Variants in TRIP12 observed in about 807,000 individuals in gnomAD.
TRIP12 encodes the protein thyroid hormone receptor interactor 12, also known as E3 ubiquitin-protein ligase TRIP12.
Under a neutral mutation model 244.2 loss-of-function variants are expected in TRIP12, and 25 were observed. That is an observed-to-expected ratio of 0.10 (90% CI 0.07 to 0.14). TRIP12 has a LOEUF of 0.14. Among genes scored for constraint, TRIP12 ranks in the 10% least tolerant of loss-of-function variants. TRIP12 has a pLI of 1.00. For missense variants in TRIP12, 1,677 were observed against 2,486.4 expected (o/e 0.67, Z 6.92); for synonymous variants, 905 against 873.1 (o/e 1.04, Z -0.64).
At chr2:229,851,473 C>T (rs2058687416) in intron 4 of TRIP12, among the ~76,000 whole-genome samples, 1 of 152,128 alleles carries the variant, frequency 6.6e-6, no homozygotes, top group Non-Finnish European at 1.5e-5. Context: ...CTCGGCTCTA[C>T]CAATCAGCAG....
intron 8 of TRIP12, 135 bp from the exon 9 acceptor site, chr2:229,818,647 A>G: frequency 3.9e-6 from 3 of 760,072 alleles, no homozygotes; most frequent in Non-Finnish European, 6.2e-6. Flanking sequence ...ACCAGGGTTA[A>G]GGCTCACTGC....
chr2:229,847,839 C>T (rs941865191), intron 4 of TRIP12, among the ~76,000 whole-genome samples: 6 of 152,116 alleles, frequency 3.9e-5, no homozygotes, highest in Admixed American at 2.0e-4. Flanking sequence ...AAAAACAAGA[C>T]CTTTATTCTT....
chr2:229,831,014 G>A (rs1235271147), intron 6 of TRIP12, 175 bp from the exon 7 acceptor site: 1 of 681,894 alleles, frequency 1.5e-6, no homozygotes, highest in Non-Finnish European at 2.7e-6. Flanking sequence ...TTTTAGGAAT[G>A]AAAGGAGAGC....
chr2:229,800,413 A>G (rs1464118867), intron 21 of TRIP12, among the ~76,000 whole-genome samples: 4 of 152,190 alleles, frequency 2.6e-5, no homozygotes, highest in Non-Finnish European at 5.9e-5. Flanking sequence ...AGGCTGAAAA[A>G]TGTTGTGGTT....
intron 34 of TRIP12, among the ~76,000 whole-genome samples, chr2:229,782,475 T>C (rs1408582981): frequency 6.6e-6 from 1 of 152,150 alleles, no homozygotes; most frequent in Non-Finnish European, 1.5e-5. Context: ...CGTCATTCAG[T>C]TGGCACCTGT....
chr2:229,888,404 T>C (rs957196209), intron 1 of TRIP12, among the ~76,000 whole-genome samples: 1 of 151,822 alleles, frequency 6.6e-6, no homozygotes, highest in Non-Finnish European at 1.5e-5. Context: ...AAGAGAGGAA[T>C]ACGCCCAGGA....
chr2:229,860,350 T>C, intron 3 of TRIP12, 56 bp downstream of exon 3: 7 of 1,553,856 alleles, frequency 4.5e-6, no homozygotes, highest in Non-Finnish European at 6.1e-6. Context: ...CATTATGCAA[T>C]GATTTGAATG....
upstream of TRIP12, chr2:229,922,438 T>G: frequency 7.2e-7 from 1 of 1,387,718 alleles, no homozygotes; most frequent in South Asian, 1.2e-5. Context: ...CAATTTAAAC[T>G]AGGGTTTTGG....
intron 40 of TRIP12, 150 bp from the exon 41 acceptor site, chr2:229,768,869 G>A (rs1574653363): frequency 2.8e-6 from 2 of 705,252 alleles, no homozygotes; most frequent in South Asian, 4.0e-5. Context: ...ATTCGTTTCT[G>A]TTATGACTAG....
chr2:229,833,143 G>A (rs4973230), intron 6 of TRIP12, among the ~76,000 whole-genome samples: 20,336 of 152,106 alleles, frequency 0.13, 1,445 homozygotes, highest in Admixed American at 0.19. Flanking sequence ...TTATTCTAAC[G>A]ACTTTCATAA....
chr2:229,823,815 C>T (rs572199389), intron 8 of TRIP12, among the ~76,000 whole-genome samples: 1 of 152,108 alleles, frequency 6.6e-6, no homozygotes, highest in Non-Finnish European at 1.5e-5. Context: ...GGCGAGATGG[C>T]ATCTCATTAA....
chr2:229,890,843 A>T (rs1055418788), intron 1 of TRIP12, among the ~76,000 whole-genome samples: 2 of 152,228 alleles, frequency 1.3e-5, no homozygotes, highest in African/African-American at 4.8e-5. Flanking sequence ...GTAGATGCCA[A>T]AGACTGCCTC....
intron 15 of TRIP12, 74 bp from the exon 16 acceptor site, chr2:229,808,443 C>A: frequency 1.1e-6 from 1 of 903,856 alleles, no homozygotes; most frequent in Non-Finnish European, 1.7e-6. Flanking sequence ...CAAACATTGC[C>A]CAAGGGGGGA....
At chr2:229,807,931 G>C in intron 16 of TRIP12, 67 bp from the exon 17 acceptor site, 1 of 1,472,348 alleles carries the variant, frequency 6.8e-7, no homozygotes, top group Non-Finnish European at 9.1e-7. Flanking sequence ...GGTCTCTAAA[G>C]AAAAATAATC....
chr2:229,768,485 TATA>T, intron 41 of TRIP12, 128 bp downstream of exon 41: 3 of 767,752 alleles, frequency 3.9e-6, no homozygotes, highest in East Asian at 2.7e-5. Context: ...CTCAATGTAC[TATA>T]ATGATACTGG....
intron 37 of TRIP12, 35 bp downstream of exon 37, chr2:229,777,280 G>C: frequency 1.3e-6 from 2 of 1,585,368 alleles, no homozygotes; most frequent in Admixed American, 3.5e-5. Context: ...CTAAAATAAA[G>C]ACTTGATCTA....
chr2:229,792,120 T>C, intron 28 of TRIP12, 33 bp downstream of exon 28: 4 of 1,614,038 alleles, frequency 2.5e-6, no homozygotes, highest in African/African-American at 1.3e-5. Flanking sequence ...CTTTATATAG[T>C]ACATTATACA....
At chr2:229,878,643 G>A (rs1161628107) in intron 2 of TRIP12, among the ~76,000 whole-genome samples, 4 of 150,352 alleles carry the variant, frequency 2.7e-5, no homozygotes, top group Non-Finnish European at 5.9e-5. Context: ...GTGCAGTGGC[G>A]TGATCTCGCT....
intron 8 of TRIP12, among the ~76,000 whole-genome samples, chr2:229,827,443 AG>A (rs2052001876): frequency 6.6e-6 from 1 of 152,132 alleles, no homozygotes; most frequent in South Asian, 2.1e-4. Flanking sequence ...ATAGAGTATA[AG>A]CTTTTTCCTA....
Sources: gnomAD v4.1 joint callset for allele counts (sites outside exome capture counted in the v4.1 genomes callset) on GRCh38, gnomAD v4.1.1 for gene constraint, MANE v1.5 for transcripts, NCBI Gene and HGNC (gene_info 2026-07-23, HGNC 2026-07-21) for gene names.